PTPRS: variants seen among roughly 807,000 people sequenced by gnomAD.
The protein encoded by PTPRS is protein tyrosine phosphatase receptor type S, also known as receptor-type tyrosine-protein phosphatase S.
Under a neutral mutation model 215.3 loss-of-function variants are expected in PTPRS, and 63 were observed. The observed-to-expected ratio is 0.29, with a 90% CI of 0.24 to 0.36. The LOEUF is 0.36. PTPRS is among the 10% of genes least tolerant of loss of function. PTPRS has a pLI of 1.00. For missense variants in PTPRS, 2,258 were observed against 2,825.8 expected (o/e 0.80, Z 4.56); for synonymous variants, 1,404 against 1,191.4 (o/e 1.18, Z -3.68).
At chr19:5,238,222 G>A (rs1481211124) in intron 13 of PTPRS, among the ~76,000 whole-genome samples, 2 of 152,154 alleles carry the variant, frequency 1.3e-5, no homozygotes, top group South Asian at 2.1e-4. Flanking sequence ...GTCAGGGAGA[G>A]AGGGTGGCGG....
intron 5 of PTPRS, among the ~76,000 whole-genome samples, chr19:5,263,898 C>A (rs921595872): frequency 6.6e-6 from 1 of 152,218 alleles, no homozygotes; most frequent in Non-Finnish European, 1.5e-5. Context: ...CCTGTGCCCA[C>A]AGGCGGGAGG....
rs1481126429 is a variant in PTPRS, at chr19:5,293,836, GC to G, written c.-94-7603del. On this transcript the variant is annotated intron_variant, in intron 1 of 37. Coordinates refer to ENST00000262963, the MANE Select transcript of PTPRS (RefSeq NM_002850.4). This position sits in a 1 kb window ranked among gnomAD's most constrained non-coding sequence, Gnocchi z 8.4. ...CACCGTGGCAGAGGCCCCCACCCTC[GC>G]CACAAGCCTGAGGAGGGGGCGGAGA... is the stretch of plus-strand genomic sequence containing the variant. 6.6e-6 allele frequency among the ~76,000 whole-genome samples: 1 copy of G among 152,086 alleles called. No homozygotes were observed. Among genetic ancestry groups the G allele is most frequent in the East Asian group, 1.9e-4 (1 of 5,156 alleles).
In PTPRS at chr19:5,237,087, G is replaced by C. The variant is rs560981113; in HGVS notation, c.1849+1832C>G. On this transcript the variant is annotated intron_variant, in intron 13 of 37. Transcript: ENST00000262963. The surrounding 1 kb of genome is among the most constrained non-coding windows in gnomAD (Gnocchi z 4.2). ...AAGACTTTCTTACGAGAGAGGGAAC[G>C]GCCGAGCGCTGAGCTACAAGGCCAG... 2.0e-5 allele frequency among the ~76,000 whole-genome samples: 3 copies of C among 152,268 alleles called. No individual in the cohort carries two copies. In the South Asian group the frequency reaches 6.2e-4, roughly 32 times the overall value.
intron 1 of PTPRS, among the ~76,000 whole-genome samples, chr19:5,319,091 A>T (rs1027435627): frequency 2.0e-5 from 3 of 152,124 alleles, no homozygotes; most frequent in African/African-American, 7.2e-5. Flanking sequence ...CATGGAAAGA[A>T]AAAAAGGAGG....
chr19:5,225,920 G>C, intron 16 of PTPRS, 76 bp from the exon 17 acceptor site: 1 of 1,244,702 alleles, frequency 8.0e-7, no homozygotes, highest in Non-Finnish European at 1.2e-6. Flanking sequence ...CCCGTGCTGA[G>C]AACAAGCAAG....
intron 37 of PTPRS, among the ~76,000 whole-genome samples, chr19:5,207,243 C>A (rs565013315): frequency 6.6e-6 from 1 of 152,342 alleles, no homozygotes; most frequent in South Asian, 2.1e-4. Flanking sequence ...TACCACCATG[C>A]CCAGCTGATT....
At chr19:5,308,902 C>A (rs1211249670) in intron 1 of PTPRS, among the ~76,000 whole-genome samples, 1 of 152,158 alleles carries the variant, frequency 6.6e-6, no homozygotes, top group Admixed American at 6.5e-5. Flanking sequence ...TAATTTTGCT[C>A]GCTCCCTCCC....
In PTPRS at chr19:5,211,977, T is replaced by A. The variant is rs770430764; in HGVS notation, c.5043A>T (p.Glu1681Asp). The A allele has an allele frequency of 1.2e-6, 2 of 1,604,914 alleles. No homozygotes were observed. The highest frequency in any genetic ancestry group is 2.2e-5 in the South Asian group (2 of 90,412). The change falls in exon 32 of 38, where the codon GAA (glutamate) becomes GAT (aspartate). Residue 1681 changes from glutamate (E) to aspartate (D), a missense_variant. Transcript: ENST00000262963. ...ACCCCGCTGGCACCTTGAACTCGAG[T>A]TCCATGCCAGTGACGTGTTCGCCAG... ...VEPGEHVTGM[E>D]LEFKRLANSK...
chr19:5,255,493 G>A (rs2045475720), intron 9 of PTPRS, among the ~76,000 whole-genome samples: 1 of 151,652 alleles, frequency 6.6e-6, no homozygotes, highest in African/African-American at 2.4e-5. Flanking sequence ...GAGTCGCTTT[G>A]GGGGAGAAGA....
In PTPRS at chr19:5,232,699, G is replaced by A. The variant is rs1320519383; in HGVS notation, c.1850-1084C>T. On this transcript the variant is annotated intron_variant, in intron 13 of 37. Transcript: ENST00000262963. ...AAGCCCCATTAGGCACCTACTGTGT[G>A]CCAGGCACCATGCCAAGGGGAATAG... Among the ~76,000 whole-genome samples, 4 of 147,164 alleles carry A rather than the reference G, an allele frequency of 2.7e-5. No homozygotes were observed. The East Asian group carries it at 8.3e-4, about 30-fold the overall frequency.
chr19:5,235,638 C>T (rs936863478), intron 13 of PTPRS, among the ~76,000 whole-genome samples: 13 of 152,234 alleles, frequency 8.5e-5, no homozygotes, highest in African/African-American at 3.1e-4. Context: ...TGAGTACCTA[C>T]TGTGCGCCTG....
At chr19:5,267,390 C>T (rs560106725) in intron 4 of PTPRS, among the ~76,000 whole-genome samples, 2 of 152,242 alleles carry the variant, frequency 1.3e-5, no homozygotes, top group African/African-American at 2.4e-5. Flanking sequence ...GCCGTGGGGG[C>T]TCACACCTGT....
chr19:5,336,069 T>C (rs550922113), intron 1 of PTPRS, among the ~76,000 whole-genome samples: 1 of 151,412 alleles, frequency 6.6e-6, no homozygotes, highest in Non-Finnish European at 1.5e-5. Flanking sequence ...GTGGAGGGCC[T>C]GTCCGTGAAT....
Position 5,243,988 on chromosome 19 carries a change from C to CGGTGGTCGGCGT in PTPRS, c.1482_1483insACGCCGACCACC (p.Asp494_Glu495insThrProThrThr). ...GCGAGCACCCGCACGGTGTAGGTCT[C>CGGTGGTCGGCGT]GTCCTCCAGCAGGCTGCCCACGGTG... On this transcript the variant is annotated inframe_insertion, in exon 11 of 38. Transcript: ENST00000262963. 6.2e-7 allele frequency: 1 copy of CGGTGGTCGGCGT among 1,602,378 alleles called. No individual in the cohort carries two copies. The highest frequency in any genetic ancestry group is 1.1e-5 in the South Asian group (1 of 90,878).
intron 7 of PTPRS, 41 bp from the exon 8 acceptor site, chr19:5,258,168 G>C (rs185196909): frequency 2.0e-6 from 3 of 1,529,742 alleles, no homozygotes; most frequent in South Asian, 2.2e-5. Flanking sequence ...TTAGAGGGGG[G>C]CCCAGGAGTG....
rs1295086476 is a variant in PTPRS at position 5,244,935 on chromosome 19, T to C, written c.989-453A>G. ...CGCCCGCCTCGGCCTCCCGAAGTGC[T>C]GGGATTACAGGTGTGAGCCACCGCA... is the stretch of plus-strand genomic sequence containing the variant. On this transcript the variant is annotated intron_variant, in intron 10 of 37. Coordinates refer to ENST00000262963, the MANE Select transcript of PTPRS (RefSeq NM_002850.4). The surrounding 1 kb of genome is among the most constrained non-coding windows in gnomAD (Gnocchi z 7.2). Among the ~76,000 whole-genome samples the C allele has an allele frequency of 6.6e-6, 1 of 152,038 alleles. No individual in the cohort carries two copies. Among genetic ancestry groups the C allele is most frequent in the East Asian group, 1.9e-4 (1 of 5,180 alleles).
chr19:5,286,072 G>T lies in PTPRS; in HGVS notation c.69C>A (p.Leu23=), dbSNP rs371883888. 6.2e-7 allele frequency: 1 copy of T among 1,613,822 alleles called. No individual in the cohort carries two copies. Among genetic ancestry groups the T allele is most frequent in the Non-Finnish European group, 8.5e-7 (1 of 1,179,882 alleles). The change falls in exon 2 of 38, where the codon CTC becomes CTA. Residue 23 remains leucine, a synonymous_variant. Transcript: ENST00000262963. ...TACCTTCTGCTGCACAGCCTCCAAC[G>T]AGCAGGACCACAAGGAGGCCCATGG... The part of the protein sequence containing the change: ...VGPMGLLVVL[L]VGGCAAEEPP...
intron 1 of PTPRS, among the ~76,000 whole-genome samples, chr19:5,325,722 G>A (rs914631353): frequency 3.3e-5 from 5 of 152,232 alleles, no homozygotes; most frequent in Admixed American, 1.3e-4. Flanking sequence ...CCTGCCTGCC[G>A]AGGACACCGG....
At chr19:5,329,728 G>A (rs1205538912) in intron 1 of PTPRS, among the ~76,000 whole-genome samples, 3 of 149,830 alleles carry the variant, frequency 2.0e-5, no homozygotes, top group African/African-American at 7.4e-5. Context: ...TCATGCCACT[G>A]CACTCCAGCC....
Sources: allele counts gnomAD v4.1 joint callset (sites outside exome capture counted in the v4.1 genomes callset), GRCh38; gene constraint gnomAD v4.1.1; non-coding constraint Gnocchi (gnomAD v3.1); transcripts MANE v1.5; gene names NCBI Gene and HGNC (gene_info 2026-07-23, HGNC 2026-07-21).